LDLRAD4: variants seen among roughly 807,000 people sequenced by gnomAD.
The protein encoded by LDLRAD4 is low density lipoprotein receptor class A domain containing 4.
A neutral mutation model predicts 17.0 loss-of-function variants in LDLRAD4; 5 were observed. The observed-to-expected ratio is 0.29, with a 90% CI of 0.15 to 0.62. The LOEUF (loss-of-function observed/expected upper bound fraction) is 0.62. Among genes scored for constraint, LDLRAD4 ranks in the 20% least tolerant of loss-of-function variants. LDLRAD4 has a pLI of 0.84. For missense variants in LDLRAD4, 340 were observed against 424.7 expected, an observed-to-expected ratio of 0.80 and a Z score of 1.75; for synonymous variants, 168 against 171.8, an observed-to-expected ratio of 0.98 and a Z score of 0.17.
intron 3 of LDLRAD4, among the ~76,000 whole-genome samples, chr18:13,457,169 G>C (rs1363911841): frequency 2.0e-5 from 3 of 152,240 alleles, no homozygotes; most frequent in Non-Finnish European, 2.9e-5. Flanking sequence ...ATTTCTGACC[G>C]ACTGGCTTCA....
At position 13,377,640 on chromosome 18, in the gene LDLRAD4, T is replaced by G. The variant is rs573584311; in HGVS notation, c.-382-9701T>G. The stretch of plus-strand genomic sequence containing the variant: ...CAGGCAATAGAAACCGCTTCCTCTC[T>G]CCAGAGGAAAGTGGGACTTCCCCTA... On this transcript the variant is annotated intron_variant, in intron 1 of 5. Transcript: ENST00000359446. Among the ~76,000 whole-genome samples the G allele has an allele frequency of 1.5e-4, 23 of 152,302 alleles. No individual in the cohort carries two copies. The South Asian group carries it at 4.1e-3, about 27-fold the overall frequency.
intron 1 of LDLRAD4, among the ~76,000 whole-genome samples, chr18:13,324,335 G>C (rs987221398): frequency 2.0e-5 from 3 of 151,612 alleles, no homozygotes; most frequent in Non-Finnish European, 4.4e-5. Context: ...GTAGAGATGG[G>C]GTTTTACCAT....
chr18:13,416,354 T>G (rs538280323), intron 2 of LDLRAD4, among the ~76,000 whole-genome samples: 1 of 152,346 alleles, frequency 6.6e-6, no homozygotes, highest in African/African-American at 2.4e-5. Flanking sequence ...CACTGTCACT[T>G]TTTGAAACCC....
At chr18:13,476,347 T>C (rs970251480) in intron 3 of LDLRAD4, among the ~76,000 whole-genome samples, 8 of 152,176 alleles carry the variant, frequency 5.3e-5, no homozygotes, top group Admixed American at 4.6e-4. Context: ...AAACCCAGCC[T>C]GGGCCGGTGG....
intron 3 of LDLRAD4, among the ~76,000 whole-genome samples, chr18:13,519,157 C>T (rs1246518494): frequency 1.3e-5 from 2 of 152,228 alleles, no homozygotes; most frequent in Non-Finnish European, 2.9e-5. Context: ...TTCCTTAGCT[C>T]ATGGGCTCCA....
At chr18:13,411,390 A>G (rs80347351) in intron 2 of LDLRAD4, among the ~76,000 whole-genome samples, 164 of 152,324 alleles carry the variant, frequency 1.1e-3, no homozygotes, top group East Asian at 9.4e-3. Context: ...TATTAGACTA[A>G]TATGTTACTA....
chr18:13,342,350 G>A (rs2082416594), intron 1 of LDLRAD4, among the ~76,000 whole-genome samples: 1 of 151,950 alleles, frequency 6.6e-6, no homozygotes, highest in Non-Finnish European at 1.5e-5. Flanking sequence ...CACCAGTGGA[G>A]ACATCTAGTC....
intron 2 of LDLRAD4, among the ~76,000 whole-genome samples, chr18:13,417,716 G>A (rs2089046863): frequency 6.6e-6 from 1 of 152,200 alleles, no homozygotes; most frequent in African/African-American, 2.4e-5. Flanking sequence ...TTACAGGCGT[G>A]AGCCACCACG....
chr18:13,413,275 C>T (rs1172509973), intron 2 of LDLRAD4, among the ~76,000 whole-genome samples: 2 of 152,198 alleles, frequency 1.3e-5, no homozygotes, highest in South Asian at 4.1e-4. Flanking sequence ...GGTTTCAGTG[C>T]TTGGCAAGAA....
chr18:13,496,398 G>C (rs539709576), intron 3 of LDLRAD4, among the ~76,000 whole-genome samples: 13 of 152,264 alleles, frequency 8.5e-5, no homozygotes, highest in African/African-American at 3.1e-4. Context: ...ATTTTCAGGG[G>C]ATGAGGTTTC....
At position 13,611,806 on chromosome 18, in the gene LDLRAD4, C is replaced by T. The variant is rs529958363; in HGVS notation, c.182-9311C>T. On this transcript the variant is annotated intron_variant, in intron 3 of 5. Transcript: ENST00000359446. ...GAAGAGCGAGCCGGGGGGAAAGGAG[C>T]GCGCAGTGTTTCCTGCTGCGGTTAG... 39 of 985,636 alleles carry T rather than the reference C, an allele frequency of 4.0e-5. No homozygotes were observed. The South Asian group carries it at 1.4e-3, about 36-fold the overall frequency. The allele number at this position is 985,636 out of a possible 1,614,324, so 61.1% of individuals were successfully genotyped here.
intron 1 of LDLRAD4, among the ~76,000 whole-genome samples, chr18:13,350,462 C>T (rs2082973364): frequency 6.6e-6 from 1 of 152,128 alleles, no homozygotes; most frequent in Admixed American, 6.5e-5. Context: ...CCTTTGCCCA[C>T]TTTTTGATGG....
intron 3 of LDLRAD4, among the ~76,000 whole-genome samples, chr18:13,444,304 AC>A (rs1416788609): frequency 6.6e-6 from 1 of 152,162 alleles, no homozygotes; most frequent in Non-Finnish European, 1.5e-5. Flanking sequence ...ATTGTCAATG[AC>A]CTGTTTAACT....
chr18:13,226,180 C>CTCTTTTTTTTTTTTTTTTTTTTTT (rs71370946), intron 1 of LDLRAD4, among the ~76,000 whole-genome samples: 2 of 52,208 alleles, frequency 3.8e-5, no homozygotes, highest in African/African-American at 1.6e-4. Flanking sequence ...CCATGCCTTG[C>CTCTTTTTTTTTTTTTTTTTTTTTT]TTTTTTTTTT....
chr18:13,270,604 C>T (rs1426402462), intron 1 of LDLRAD4, among the ~76,000 whole-genome samples: 2 of 152,134 alleles, frequency 1.3e-5, no homozygotes, highest in African/African-American at 4.8e-5. Context: ...AAAGTTTATG[C>T]GTAGATGATA....
At chr18:13,219,547 A>T (rs1007315742) in intron 1 of LDLRAD4, among the ~76,000 whole-genome samples, 1 of 152,200 alleles carries the variant, frequency 6.6e-6, no homozygotes, top group Non-Finnish European at 1.5e-5. Context: ...TAGGCATTGT[A>T]GGATGTGAGG....
At chr18:13,258,386 C>T (rs906942681) in intron 1 of LDLRAD4, among the ~76,000 whole-genome samples, 19 of 151,518 alleles carry the variant, frequency 1.3e-4, no homozygotes, top group African/African-American at 3.9e-4. Flanking sequence ...CTTTTGTTAG[C>T]ATTAACATGG....
chr18:13,467,050 A>G (rs915799262), intron 3 of LDLRAD4, among the ~76,000 whole-genome samples: 2 of 152,236 alleles, frequency 1.3e-5, no homozygotes, highest in African/African-American at 2.4e-5. Context: ...CTAATACCAT[A>G]CTCAGTGGTG....
intron 3 of LDLRAD4, among the ~76,000 whole-genome samples, chr18:13,530,326 A>G (rs1005620348): frequency 1.3e-5 from 2 of 152,220 alleles, no homozygotes; most frequent in Admixed American, 1.3e-4. Flanking sequence ...ATTCTAAAAG[A>G]TGGCCTCCTC....
Sources: allele counts gnomAD v4.1 joint callset (sites outside exome capture counted in the v4.1 genomes callset), GRCh38; gene constraint gnomAD v4.1.1; transcripts MANE v1.5; gene names NCBI Gene and HGNC (gene_info 2026-07-23, HGNC 2026-07-21).